Variants in GMCL1 observed in about 807,000 individuals in gnomAD.
GMCL1 encodes the protein germ cell-less 1, spermatogenesis associated, also known as germ cell-less protein-like 1.
In GMCL1, 54 loss-of-function variants were observed where a neutral mutation model predicts 75.5. The ratio of observed to expected loss-of-function variants is 0.71; its 90% confidence interval spans 0.57 to 0.90. The LOEUF is 0.90. GMCL1 is among the 40% of genes least tolerant of loss of function. The pLI, the probability that GMCL1 is intolerant of heterozygous loss-of-function variation, is 0.00. For synonymous variants in GMCL1, 210 were observed against 209.6 expected (o/e 1.00, Z -0.02); for missense variants, 537 against 622.7 (o/e 0.86, Z 1.47).
intron 1 of GMCL1, among the ~76,000 whole-genome samples, chr2:69,832,193 C>G (rs535802844): frequency 3.0e-4 from 45 of 150,500 alleles, no homozygotes; most frequent in African/African-American, 1.1e-3. Flanking sequence ...GCACTCCAGT[C>G]TGGGTGACAA....
At position 69,839,560 on chromosome 2, in the gene GMCL1, A is replaced by G. The variant is rs1267036639; in HGVS notation, c.481+7A>G. The G allele has an allele frequency of 6.9e-7, 1 of 1,445,778 alleles. No homozygotes were observed. Among genetic ancestry groups the G allele is most frequent in the Non-Finnish European group, 9.7e-7 (1 of 1,030,294 alleles). 89.6% of individuals were successfully genotyped at this position (1,445,778 alleles called of 1,614,324 possible). ...CAGAACATTGATGTAGAAGGTAACT[A>G]CCACAATAATTACTATTATGCAACA... On this transcript the variant is annotated splice_region_variant and intron_variant, in intron 3 of 13. Coordinates refer to ENST00000282570, the MANE Select transcript of GMCL1 (RefSeq NM_178439.5).
At chr2:69,854,702 T>C in intron 8 of GMCL1, 121 bp from the exon 9 acceptor site, 1 of 757,072 alleles carries the variant, frequency 1.3e-6, no homozygotes, top group South Asian at 2.1e-5. Flanking sequence ...TCTTGAGAAC[T>C]TTAAAACTAG....
intron 13 of GMCL1, among the ~76,000 whole-genome samples, chr2:69,872,215 G>A (rs1406531722): frequency 6.6e-6 from 1 of 152,094 alleles, no homozygotes; most frequent in Non-Finnish European, 1.5e-5. Context: ...AGACAATCCT[G>A]TATGTCTCCA....
chr2:69,849,503 T>C (rs1484931988), intron 7 of GMCL1, 149 bp from the exon 8 acceptor site: 1 of 543,218 alleles, frequency 1.8e-6, no homozygotes, highest in Non-Finnish European at 3.2e-6. Context: ...TGAGTGCTTA[T>C]AGTTGTACTT....
At chr2:69,859,411 A>G (rs1675575626) in intron 9 of GMCL1, among the ~76,000 whole-genome samples, 1 of 151,848 alleles carries the variant, frequency 6.6e-6, no homozygotes, top group Non-Finnish European at 1.5e-5. Context: ...ACCTATGAAG[A>G]CAAATTATCT....
At chr2:69,852,908 A>G (rs1014845581) in intron 8 of GMCL1, among the ~76,000 whole-genome samples, 13 of 152,234 alleles carry the variant, frequency 8.5e-5, no homozygotes, top group Admixed American at 1.3e-4. Flanking sequence ...GATCAGGACT[A>G]CAAGAAACAA....
At chr2:69,844,243 GT>G in intron 6 of GMCL1, 47 bp downstream of exon 6, 1 of 1,061,114 alleles carries the variant, frequency 9.4e-7, no homozygotes, top group Non-Finnish European at 1.4e-6. Flanking sequence ...CTAAAATATT[GT>G]TTATCATTTG....
intron 7 of GMCL1, among the ~76,000 whole-genome samples, chr2:69,848,838 C>T (rs1675227581): frequency 6.6e-6 from 1 of 152,084 alleles, no homozygotes; most frequent in African/African-American, 2.4e-5. Context: ...AATTAAGGCC[C>T]AGAGATACTA....
chr2:69,849,154 A>G (rs918563509), intron 7 of GMCL1, among the ~76,000 whole-genome samples: 1 of 152,170 alleles, frequency 6.6e-6, no homozygotes, highest in Non-Finnish European at 1.5e-5. Flanking sequence ...TCCAATTTTT[A>G]TCACTGGACT....
At chr2:69,864,775 T>C in intron 10 of GMCL1, 125 bp from the exon 11 acceptor site, 2 of 629,098 alleles carry the variant, frequency 3.2e-6, no homozygotes, top group South Asian at 2.1e-5. Context: ...TTCTTATTTT[T>C]ATCTGTACCA....
intron 9 of GMCL1, among the ~76,000 whole-genome samples, chr2:69,856,314 C>T (rs760732434): frequency 6.6e-6 from 1 of 151,914 alleles, no homozygotes; most frequent in Admixed American, 6.6e-5. Flanking sequence ...CAAAGTTAGG[C>T]GTTTGGCAAT....
intron 8 of GMCL1, 105 bp downstream of exon 8, chr2:69,849,847 G>T (rs529865562): frequency 5.0e-6 from 3 of 598,858 alleles, no homozygotes; most frequent in South Asian, 3.2e-5. Flanking sequence ...ATGAAATCAG[G>T]CCCTGACTTG....
At chr2:69,836,918 T>C (rs1372197928) in intron 1 of GMCL1, among the ~76,000 whole-genome samples, 13 of 152,096 alleles carry the variant, frequency 8.5e-5, no homozygotes, top group Admixed American at 8.5e-4. Context: ...TTTGAGCAGT[T>C]TTAAAAACCT....
chr2:69,832,112 T>C (rs1674689657), intron 1 of GMCL1, among the ~76,000 whole-genome samples: 1 of 151,850 alleles, frequency 6.6e-6, no homozygotes, highest in Admixed American at 6.6e-5. Flanking sequence ...TCCCAGCTAC[T>C]CGGGACGCTG....
intron 6 of GMCL1, among the ~76,000 whole-genome samples, chr2:69,845,159 T>C (rs1017592668): frequency 6.6e-6 from 1 of 152,194 alleles, no homozygotes; most frequent in Non-Finnish European, 1.5e-5. Context: ...CAGGGTCCCA[T>C]GCAGGCTTCA....
chr2:69,858,974 C>T (rs576961059), intron 9 of GMCL1, among the ~76,000 whole-genome samples: 13 of 151,744 alleles, frequency 8.6e-5, no homozygotes, highest in African/African-American at 2.9e-4. Flanking sequence ...GGTGAAACTC[C>T]GTCTCTACTA....
chr2:69,871,627 A>G (rs1464260662), intron 12 of GMCL1, 118 bp from the exon 13 acceptor site: 4 of 579,096 alleles, frequency 6.9e-6, no homozygotes, highest in South Asian at 2.5e-5. Flanking sequence ...AAGACTTCCT[A>G]AAAGTCTTTT....
intron 13 of GMCL1, among the ~76,000 whole-genome samples, chr2:69,877,381 C>G (rs1213052595): frequency 6.6e-6 from 1 of 152,208 alleles, no homozygotes; most frequent in Non-Finnish European, 1.5e-5. Flanking sequence ...CTGCCTCAAT[C>G]TTAACTGTAT....
intron 11 of GMCL1, among the ~76,000 whole-genome samples, chr2:69,868,427 A>G (rs1294149159): frequency 6.6e-6 from 1 of 152,210 alleles, no homozygotes; most frequent in Non-Finnish European, 1.5e-5. Flanking sequence ...ACTTCTCTGT[A>G]TCACACTACC....
Sources: allele counts gnomAD v4.1 joint callset (sites outside exome capture counted in the v4.1 genomes callset), GRCh38; gene constraint gnomAD v4.1.1; transcripts MANE v1.5; gene names NCBI Gene and HGNC (gene_info 2026-07-23, HGNC 2026-07-21).